The following ABCG2 variants were observed in gnomAD, a reference collection of about 807,000 sequenced individuals.
The protein encoded by ABCG2 is ATP binding cassette subfamily G member 2 (JR blood group).
In ABCG2, 80 loss-of-function variants were observed where a neutral mutation model predicts 73.5. The ratio of observed to expected loss-of-function variants is 1.09; its 90% confidence interval spans 0.91 to 1.31. ABCG2 has a LOEUF of 1.31. Ranked by LOEUF, ABCG2 falls within the 50% of genes most tolerant of loss-of-function variation. The probability of loss-of-function intolerance (pLI) is 0.00; values close to 1 mark genes in which losing one functional copy is unlikely to be tolerated. For missense variants in ABCG2, 796 were observed against 786.2 expected, an observed-to-expected ratio of 1.01 and a Z score of -0.15; for synonymous variants, 269 against 282.4, an observed-to-expected ratio of 0.95 and a Z score of 0.48.
At chr4:88,125,625 A>C (rs926133112) in intron 5 of ABCG2, among the ~76,000 whole-genome samples, 1 of 149,710 alleles carries the variant, frequency 6.7e-6, no homozygotes, top group Non-Finnish European at 1.5e-5. Context: ...AAAAAAAAAA[A>C]AAAAAAAAAA....
intron 1 of ABCG2, among the ~76,000 whole-genome samples, chr4:88,219,168 T>C (rs1003908963): frequency 1.5e-4 from 23 of 152,276 alleles, no homozygotes; most frequent in African/African-American, 5.1e-4. Context: ...TTTTGAGTAT[T>C]GTACATTTAA....
At position 88,158,608 on chromosome 4, in the gene ABCG2, G is replaced by T; in HGVS notation, c.-242C>A. On this transcript the variant is annotated 5_prime_UTR_variant, in exon 1 of 16. Transcript: ENST00000237612. ...CCTCCACAGGCTGCCTCCTTGCCGC[G>T]TCTCTCAATCTCAGTGGGAGTGGCG... The T allele has an allele frequency of 2.2e-6, 1 of 456,354 alleles. No homozygotes were observed. The highest frequency in any genetic ancestry group is 4.4e-6 in the Non-Finnish European group (1 of 226,958). 28.3% of individuals were successfully genotyped at this position (456,354 alleles called of 1,614,324 possible).
chr4:88,212,110 G>A (rs539395998), intron 1 of ABCG2, among the ~76,000 whole-genome samples: 2 of 152,246 alleles, frequency 1.3e-5, no homozygotes, highest in East Asian at 1.9e-4. Flanking sequence ...GATTGCCCTA[G>A]CTTTAGGTGA....
In ABCG2 at chr4:88,114,975, T is replaced by C. The variant is rs767252781; in HGVS notation, c.925A>G (p.Arg309Gly). The change falls in exon 8 of 16, where the codon AGA becomes GGA. Residue 309 changes from arginine to glycine, a missense_variant. By Grantham distance (125) the Arg-to-Gly change is moderately radical. Transcript: ENST00000237612. ...CATATACCTTTAAAGTCTTCTTCTC[T>C]GTTTAATGCCACAGCAGTGGAATCT... ...NGDSTAVALN[R>G]EEDFKATEII... is the part of the protein sequence containing the mutation. The C allele has an allele frequency of 2.5e-6, 4 of 1,611,480 alleles. No homozygotes were observed. The South Asian group carries it at 4.4e-5, about 18-fold the overall frequency.
intron 1 of ABCG2, among the ~76,000 whole-genome samples, chr4:88,214,428 T>C (rs1488718863): frequency 6.6e-6 from 1 of 152,080 alleles, no homozygotes; most frequent in Non-Finnish European, 1.5e-5. Flanking sequence ...TCCACTCCAA[T>C]CAGAACGATG....
At chr4:88,196,598 A>G (rs1337009150) in intron 1 of ABCG2, among the ~76,000 whole-genome samples, 1 of 152,108 alleles carries the variant, frequency 6.6e-6, no homozygotes, top group Non-Finnish European at 1.5e-5. Context: ...TGAGTATCTC[A>G]GTCATAGGAA....
intron 1 of ABCG2, among the ~76,000 whole-genome samples, chr4:88,144,445 T>C (rs2110062697): frequency 7.2e-6 from 1 of 137,990 alleles, no homozygotes; most frequent in Middle Eastern, 3.7e-3. Context: ...AGGCCACATT[T>C]TTACTTTTTT....
intron 2 of ABCG2, among the ~76,000 whole-genome samples, chr4:88,135,085 C>G (rs1725152569): frequency 6.6e-6 from 1 of 152,148 alleles, no homozygotes; most frequent in Non-Finnish European, 1.5e-5. Context: ...AGACGCATGG[C>G]CCACAAAGCT....
chr4:88,121,620 T>G lies in ABCG2; in HGVS notation c.689+15A>C, dbSNP rs777650436. 6.2e-7 allele frequency: 1 copy of G among 1,612,136 alleles called. No individual in the cohort carries two copies. Among genetic ancestry groups the G allele is most frequent in the South Asian group, 1.1e-5 (1 of 90,690 alleles). ...TAAGATATTAACTAAAGAATAATGT[T>G]TCCAGAGCATTTACCTTTTCAGGAG... On this transcript the variant is annotated intron_variant, in intron 6 of 15. Transcript: ENST00000237612.
At chr4:88,220,630 T>A (rs1578289085) in intron 1 of ABCG2, 2 of 152,662 alleles carry the variant, frequency 1.3e-5, no homozygotes. Flanking sequence ...TCCTGTAGAC[T>A]GACAGAGAAC....
intron 1 of ABCG2, among the ~76,000 whole-genome samples, chr4:88,190,694 C>T (rs1728652547): frequency 6.6e-6 from 1 of 152,070 alleles, no homozygotes; most frequent in African/African-American, 2.4e-5. Flanking sequence ...AAAAGACGAG[C>T]CACAGACTGA....
At chr4:88,153,047 C>T in intron 1 of ABCG2, among the ~76,000 whole-genome samples, 1 of 152,050 alleles carries the variant, frequency 6.6e-6, no homozygotes, top group African/African-American at 2.4e-5. Context: ...TATTAAAGGA[C>T]TAAGAATTGG....
Position 88,095,537 on chromosome 4 carries a change from G to C in ABCG2, c.1720C>G (p.Pro574Ala). The change falls in exon 14 of 16, where the codon CCA becomes GCA. Residue 574 changes from proline (P) to alanine (A), a missense_variant. Coordinates refer to ENST00000237612, the MANE Select transcript of ABCG2 (RefSeq NM_004827.3). Reference protein sequence around the residue: ...WLSWLQYFSIPRYGFTALQHN... With the variant: ...WLSWLQYFSIARYGFTALQHN... The stretch of plus-strand genomic sequence containing the variant: ...AGACATACCGTAAATCCATATCGTG[G>C]AATGCTGAAGTACTGAAGCCATGAC... 6.2e-7 allele frequency: 1 copy of C among 1,613,386 alleles called. No individual in the cohort carries two copies. The highest frequency in any genetic ancestry group is 8.5e-7 in the Non-Finnish European group (1 of 1,179,384).
intron 1 of ABCG2, among the ~76,000 whole-genome samples, chr4:88,197,765 C>T (rs573836184): frequency 7.2e-5 from 11 of 151,736 alleles, no homozygotes; most frequent in African/African-American, 1.9e-4. Flanking sequence ...ATTACATTAC[C>T]GCACTCCAGC....
intron 1 of ABCG2, among the ~76,000 whole-genome samples, chr4:88,191,107 T>C (rs1728670737): frequency 6.7e-6 from 1 of 149,036 alleles, no homozygotes; most frequent in South Asian, 2.1e-4. Context: ...TAGCCAGGCA[T>C]TGTGGAGGGT....
intron 1 of ABCG2, among the ~76,000 whole-genome samples, chr4:88,149,039 G>A (rs1041289467): frequency 6.6e-6 from 1 of 151,968 alleles, no homozygotes; most frequent in Admixed American, 6.6e-5. Flanking sequence ...AATTCTGCTC[G>A]TCTGTACAAA....
At chr4:88,112,196 T>G (rs1400596505) in intron 9 of ABCG2, among the ~76,000 whole-genome samples, 1 of 152,186 alleles carries the variant, frequency 6.6e-6, no homozygotes, top group Non-Finnish European at 1.5e-5. Context: ...TCATTTTGAT[T>G]AACAGAAAGT....
chr4:88,155,625 C>A (rs925472489), intron 1 of ABCG2, among the ~76,000 whole-genome samples: 1 of 152,196 alleles, frequency 6.6e-6, no homozygotes, highest in African/African-American at 2.4e-5. Flanking sequence ...TAACTCTAGG[C>A]CGGGCACGGT....
At chr4:88,168,137 G>A (rs1448070201) in intron 1 of ABCG2, among the ~76,000 whole-genome samples, 2 of 152,130 alleles carry the variant, frequency 1.3e-5, no homozygotes, top group African/African-American at 4.8e-5. Context: ...CTTGGTTCAT[G>A]TAATTTGCTT....
Sources: gnomAD v4.1 joint callset for allele counts (sites outside exome capture counted in the v4.1 genomes callset) on GRCh38, gnomAD v4.1.1 for gene constraint, MANE v1.5 for transcripts, NCBI Gene and HGNC (gene_info 2026-07-23, HGNC 2026-07-21) for gene names.